MPP7: variants seen among roughly 807,000 people sequenced by gnomAD.
The protein encoded by MPP7 is MAGUK p55 subfamily member 7.
In MPP7, 60 loss-of-function variants were observed where a neutral mutation model predicts 76.5. The observed-to-expected ratio is 0.78, with a 90% CI of 0.64 to 0.97. MPP7 has a LOEUF of 0.97. MPP7 is among the 50% of genes least tolerant of loss of function. The pLI, the probability that MPP7 is intolerant of heterozygous loss-of-function variation, is 0.00. For missense variants in MPP7, 641 were observed against 694.0 expected (o/e 0.92, Z 0.86); for synonymous variants, 237 against 244.5 (o/e 0.97, Z 0.29).
At chr10:28,149,582 G>A (rs1447471828) in intron 4 of MPP7, among the ~76,000 whole-genome samples, 8 of 151,930 alleles carry the variant, frequency 5.3e-5, no homozygotes, top group South Asian at 2.1e-4. Context: ...CATATGCCTC[G>A]TTCGTATCCT....
Position 28,316,963 on chromosome 10 carries a change from T to C in MPP7, c.-132+12966A>G, listed in dbSNP as rs76804902. Among the ~76,000 whole-genome samples, 1,001 of 152,312 alleles carry C rather than the reference T, an allele frequency of 6.6e-3. 16 individuals carry two copies. Among genetic ancestry groups the C allele is most frequent in the African/African-American group, 0.023 (955 of 41,580 alleles). On this transcript the variant is annotated intron_variant, in intron 2 of 11. Transcript: ENST00000441595. Reference sequence around the variant, plus strand: ...GATCTGTGAGTCCTGGTCAGGGTTCTGTGGGAGAATCCTGCTGCTGTACCC... The same window carrying C: ...GATCTGTGAGTCCTGGTCAGGGTTCCGTGGGAGAATCCTGCTGCTGTACCC...
chr10:28,054,252 A>G lies in MPP7; in HGVS notation c.1552-8T>C, dbSNP rs776340451. On this transcript the variant is annotated splice_region_variant and splice_polypyrimidine_tract_variant and intron_variant, in intron 16 of 16. Transcript: ENST00000683449. ...TTCTTGAAAATCTTCTTCCTACAAAAGGAAGTATTAAAAAAATAATTGGTT... is the reference window on the plus strand; with the variant it reads ...TTCTTGAAAATCTTCTTCCTACAAAGGGAAGTATTAAAAAAATAATTGGTT... The G allele has an allele frequency of 4.9e-5, 75 of 1,523,452 alleles. No individual in the cohort carries two copies. The African/African-American group carries it at 9.7e-4, about 20-fold the overall frequency. 94.4% of individuals were successfully genotyped at this position (1,523,452 alleles called of 1,614,324 possible). A position where few individuals can be genotyped will look rare whatever the true frequency, so the allele number is the denominator to read the frequency against.
intron 3 of MPP7, among the ~76,000 whole-genome samples, chr10:28,181,077 T>C (rs1436237300): frequency 1.3e-5 from 2 of 152,250 alleles, no homozygotes; most frequent in East Asian, 1.9e-4. Flanking sequence ...ATTTTACATA[T>C]ACAGAAGCTT....
chr10:28,330,526 T>G (rs1834461422), intron 1 of MPP7, among the ~76,000 whole-genome samples: 1 of 152,212 alleles, frequency 6.6e-6, no homozygotes, highest in South Asian at 2.1e-4. Context: ...GCTTCACTTA[T>G]GTGGCTTTTC....
At chr10:28,252,917 T>TGG (rs112329095) in intron 1 of MPP7, among the ~76,000 whole-genome samples, 11 of 151,346 alleles carry the variant, frequency 7.3e-5, no homozygotes, top group African/African-American at 9.8e-5. Context: ...TCTTTTTTTT[T>TGG]GGGAGGGGGG....
intron 3 of MPP7, among the ~76,000 whole-genome samples, chr10:28,154,629 A>C (rs1835990171): frequency 6.6e-6 from 1 of 152,184 alleles, no homozygotes; most frequent in Non-Finnish European, 1.5e-5. Context: ...ATACTATTTG[A>C]AACCACTTCT....
At chr10:28,112,464 C>T (rs2133571033) in intron 11 of MPP7, among the ~76,000 whole-genome samples, 1 of 152,250 alleles carries the variant, frequency 6.6e-6, no homozygotes, top group South Asian at 2.1e-4. Flanking sequence ...ATTTATATCA[C>T]ATATAGTACA....
In MPP7 at chr10:28,149,988, G is replaced by A. The variant is rs372108945; in HGVS notation, c.228C>T (p.Ala76=). ...CTCGGAGAGTCACACTTACATCATCGGCCAAGGCCGCCGCACCATGGAGAA... is the reference window on the plus strand; with the variant it reads ...CTCGGAGAGTCACACTTACATCATCAGCCAAGGCCGCCGCACCATGGAGAA... The part of the protein sequence containing the change: ...VPILHGAAAL[A]DDLAEELQNK... The change falls in exon 4 of 17, where the codon GCC becomes GCT. Residue 76 remains alanine, a synonymous_variant. Coordinates refer to ENST00000683449, the MANE Select transcript of MPP7 (RefSeq NM_001318170.2). 13 of 1,612,732 alleles carry A rather than the reference G, an allele frequency of 8.1e-6. No individual in the cohort carries two copies. The highest frequency in any genetic ancestry group is 2.2e-5 in the East Asian group (1 of 44,816).
upstream of MPP7, among the ~76,000 whole-genome samples, chr10:28,306,557 AG>A (rs137884173): frequency 0.067 from 10,153 of 152,074 alleles, 437 homozygotes; most frequent in Non-Finnish European, 0.097. Flanking sequence ...CTGAGGTGGG[AG>A]GATTGCTTGA....
intron 12 of MPP7, among the ~76,000 whole-genome samples, chr10:28,074,495 G>C (rs563287582): frequency 4.6e-5 from 7 of 152,122 alleles, no homozygotes; most frequent in African/African-American, 1.7e-4. Context: ...GCAGGGTTTC[G>C]CAATGTTGGC....
intron 3 of MPP7, among the ~76,000 whole-genome samples, chr10:28,150,885 A>C (rs1192175332): frequency 6.6e-6 from 1 of 152,212 alleles, no homozygotes; most frequent in East Asian, 1.9e-4. Context: ...GAGAAACAAA[A>C]GACGTGTTGA....
intron 2 of MPP7, among the ~76,000 whole-genome samples, chr10:28,203,906 C>T (rs1206808314): frequency 2.0e-5 from 3 of 152,130 alleles, no homozygotes; most frequent in Non-Finnish European, 4.4e-5. Context: ...TGACTCAATA[C>T]CTTAGAACAG....
At chr10:28,091,627 A>C (rs1428048863) in intron 11 of MPP7, among the ~76,000 whole-genome samples, 2 of 152,202 alleles carry the variant, frequency 1.3e-5, no homozygotes, top group African/African-American at 4.8e-5. Context: ...TTTGTAACAA[A>C]ATGAAAAAAA....
chr10:28,244,296 T>G, intron 1 of MPP7, among the ~76,000 whole-genome samples: 1 of 152,184 alleles, frequency 6.6e-6, no homozygotes, highest in Non-Finnish European at 1.5e-5. Context: ...AAAAATCTAT[T>G]TTGTTTTGTT....
chr10:28,262,232 TA>T (rs1839997937), intron 1 of MPP7, among the ~76,000 whole-genome samples: 1 of 80,526 alleles, frequency 1.2e-5, no homozygotes, highest in East Asian at 8.3e-4. Context: ...TATACATATA[TA>T]TATATATATA....
In MPP7 at chr10:28,219,556, T is replaced by C. The variant is rs149385465; in HGVS notation, c.38-17285A>G. Among the ~76,000 whole-genome samples, 496 of 152,112 alleles carry C rather than the reference T, an allele frequency of 3.3e-3. 2 individuals are homozygous for C. Among genetic ancestry groups the C allele is most frequent in the Admixed American group, 8.8e-3 (134 of 15,300 alleles). On this transcript the variant is annotated intron_variant, in intron 2 of 16. Coordinates refer to ENST00000683449, the MANE Select transcript of MPP7 (RefSeq NM_001318170.2). ...GAAGCCATAAACCTATGTTAAATGA[T>C]AAAAAAAGATGTTCTCTGGGTTCAA...
At chr10:28,113,828 A>T (rs1414544574) in intron 11 of MPP7, among the ~76,000 whole-genome samples, 1 of 152,198 alleles carries the variant, frequency 6.6e-6, no homozygotes, top group Non-Finnish European at 1.5e-5. Flanking sequence ...AATCATGACA[A>T]AATCATGTTT....
intron 3 of MPP7, among the ~76,000 whole-genome samples, chr10:28,185,818 C>T (rs1190098180): frequency 6.6e-6 from 1 of 152,168 alleles, no homozygotes; most frequent in Non-Finnish European, 1.5e-5. Flanking sequence ...GCCTCCAAGC[C>T]AGCCCACAAA....
intron 4 of MPP7, among the ~76,000 whole-genome samples, chr10:28,149,738 T>G (rs1192474107): frequency 6.6e-6 from 1 of 152,194 alleles, no homozygotes; most frequent in African/African-American, 2.4e-5. Flanking sequence ...CTAAAATGTC[T>G]ATTACGAAGT....
Sources: allele counts gnomAD v4.1 joint callset (sites outside exome capture counted in the v4.1 genomes callset), GRCh38; gene constraint gnomAD v4.1.1; transcripts MANE v1.5; gene names NCBI Gene and HGNC (gene_info 2026-07-23, HGNC 2026-07-21).